Variants in LEO1 observed in about 807,000 individuals in gnomAD.
LEO1 encodes RNA polymerase-associated protein LEO1.
In LEO1, 34 loss-of-function variants were observed where a neutral mutation model predicts 80.4. The ratio of observed to expected loss-of-function variants is 0.42; its 90% CI spans 0.32 to 0.56. LEO1 has a LOEUF of 0.56. Ranked by LOEUF, LEO1 falls within the 20% of genes least tolerant of loss-of-function variation. The probability of loss-of-function intolerance (pLI) is 0.10; values close to 1 mark genes in which losing one functional copy is unlikely to be tolerated. For synonymous variants in LEO1, 262 were observed against 274.9 expected (o/e 0.95, Z 0.46); for missense variants, 631 against 814.2 (o/e 0.77, Z 2.74).
At chr15:51,944,995 T>G (rs2141746297) in intron 11 of LEO1, among the ~76,000 whole-genome samples, 1 of 152,116 alleles carries the variant, frequency 6.6e-6, no homozygotes, top group South Asian at 2.1e-4. Flanking sequence ...GGGAAACAGG[T>G]AAGGCCATTA....
In LEO1 at chr15:51,965,789, G is replaced by A. The variant is rs1362032312; in HGVS notation, c.774C>T (p.His258=). Residue 258 remains histidine (H), a synonymous_variant, in exon 2 of 12, where the codon CAC becomes CAT. Transcript: ENST00000299601. Reference sequence around the variant, plus strand: ...GTTCCTCTTCATCATCTGAATGCCTGTGTTCTTCATCTGAGGCCTGTGGCC... The same window carrying A: ...GTTCCTCTTCATCATCTGAATGCCTATGTTCTTCATCTGAGGCCTGTGGCC... The part of the protein sequence containing the change: ...DERPQASDEE[H]RHSDDEEEQD... 5.0e-6 allele frequency: 8 copies of A among 1,612,676 alleles called. No individual in the cohort carries two copies. The Admixed American group carries it at 1.2e-4, about 24-fold the overall frequency.
chr15:51,947,514 T>A (rs1566881097), intron 10 of LEO1, 125 bp from the exon 11 acceptor site: 2 of 645,316 alleles, frequency 3.1e-6, no homozygotes, highest in South Asian at 1.8e-5. Flanking sequence ...CTCCTGGGCT[T>A]AGGTGATCCT....
chr15:51,946,760 T>C (rs958888551), intron 11 of LEO1, among the ~76,000 whole-genome samples: 3 of 151,952 alleles, frequency 2.0e-5, no homozygotes, highest in African/African-American at 7.3e-5. Context: ...CAGTCTAGTC[T>C]CAAACTCCTG....
chr15:51,964,457 A>G (rs1433958535), intron 2 of LEO1, among the ~76,000 whole-genome samples: 1 of 151,548 alleles, frequency 6.6e-6, no homozygotes, highest in African/African-American at 2.4e-5. Context: ...GTAAATGACG[A>G]GTTGATGGGT....
chr15:51,947,704 C>T (rs894437409), intron 10 of LEO1, among the ~76,000 whole-genome samples: 2 of 152,116 alleles, frequency 1.3e-5, no homozygotes. Context: ...GGATTATAGG[C>T]GTGAGCCACT....
At chr15:51,944,146 C>G (rs1566879696) in intron 11 of LEO1, among the ~76,000 whole-genome samples, 1 of 152,068 alleles carries the variant, frequency 6.6e-6, no homozygotes, top group South Asian at 2.1e-4. Flanking sequence ...CAAAGAGAAC[C>G]ACGTGCAGAT....
At chr15:51,946,603 T>C (rs1460631541) in intron 11 of LEO1, among the ~76,000 whole-genome samples, 2 of 151,984 alleles carry the variant, frequency 1.3e-5, no homozygotes, top group Non-Finnish European at 2.9e-5. Flanking sequence ...TTGCCTAAGC[T>C]GGAGTGCAGT....
chr15:51,966,582 A>G, intron 1 of LEO1, 78 bp from the exon 2 acceptor site: 1 of 813,206 alleles, frequency 1.2e-6, no homozygotes, highest in Non-Finnish European at 2.0e-6. Flanking sequence ...ATCCCAACAT[A>G]AAAGCAATGA....
chr15:51,956,938 G>A (rs1029100793), intron 6 of LEO1, among the ~76,000 whole-genome samples: 32 of 152,204 alleles, frequency 2.1e-4, no homozygotes, highest in African/African-American at 5.5e-4. Flanking sequence ...CAATCCTCCC[G>A]CCTCAGCCTC....
At chr15:51,958,401 G>A (rs1177857771) in intron 6 of LEO1, among the ~76,000 whole-genome samples, 1 of 152,178 alleles carries the variant, frequency 6.6e-6, no homozygotes, top group Non-Finnish European at 1.5e-5. Context: ...GCTGCCAAGA[G>A]CTGGGTTTGT....
chr15:51,954,313 C>T (rs2056971514), intron 7 of LEO1, among the ~76,000 whole-genome samples, 168 bp downstream of exon 7: 1 of 151,860 alleles, frequency 6.6e-6, no homozygotes, highest in African/African-American at 2.4e-5. Flanking sequence ...GACTAGGAGT[C>T]TGAGGCTCCA....
intron 6 of LEO1, among the ~76,000 whole-genome samples, chr15:51,957,075 G>A (rs969050368): frequency 5.3e-5 from 8 of 151,854 alleles, no homozygotes; most frequent in Non-Finnish European, 7.4e-5. Context: ...TTCTCACCTC[G>A]GCCTCCCAAG....
At chr15:51,941,109 AAGCC>A (rs1200614373) in intron 11 of LEO1, among the ~76,000 whole-genome samples, 1 of 152,010 alleles carries the variant, frequency 6.6e-6, no homozygotes, top group Non-Finnish European at 1.5e-5. Flanking sequence ...ATAAATAAGC[AAGCC>A]AGCCAGCCAG....
chr15:51,967,654 T>C (rs901587081), intron 1 of LEO1, among the ~76,000 whole-genome samples: 1 of 152,160 alleles, frequency 6.6e-6, no homozygotes, highest in Non-Finnish European at 1.5e-5. Context: ...AGAGAAGCAG[T>C]TCATCCCATA....
At chr15:51,941,792 C>G (rs2056855092) in intron 11 of LEO1, among the ~76,000 whole-genome samples, 1 of 152,222 alleles carries the variant, frequency 6.6e-6, no homozygotes, top group Admixed American at 6.5e-5. Context: ...TGTTCAGCTA[C>G]TACATATTGT....
At chr15:51,956,836 T>G (rs971486495) in intron 6 of LEO1, among the ~76,000 whole-genome samples, 8 of 152,222 alleles carry the variant, frequency 5.3e-5, no homozygotes, top group East Asian at 3.9e-4. Flanking sequence ...AAATTTTTTT[T>G]TGGGGGGGAG....
intron 5 of LEO1, 52 bp from the exon 6 acceptor site, chr15:51,958,878 ACTG>A (rs1477577059): frequency 1.1e-6 from 1 of 923,778 alleles, no homozygotes; most frequent in African/African-American, 1.7e-5. Context: ...AAAGAATATT[ACTG>A]CTATGTAATA....
intron 1 of LEO1, among the ~76,000 whole-genome samples, chr15:51,969,105 C>T (rs1253904033): frequency 5.3e-5 from 8 of 151,880 alleles, no homozygotes; most frequent in African/African-American, 7.3e-5. Flanking sequence ...TATGGGCGCA[C>T]GCCACCACAC....
At chr15:51,954,933 A>AT (rs34049838) in intron 6 of LEO1, 7,225 of 140,560 alleles carry the variant, frequency 0.051, 349 homozygotes, top group East Asian at 0.13. Flanking sequence ...TGAGGCAGAA[A>AT]TTTTTTTTTT....
Sources: allele counts gnomAD v4.1 joint callset (sites outside exome capture counted in the v4.1 genomes callset), GRCh38; gene constraint gnomAD v4.1.1; transcripts MANE v1.5; gene names NCBI Gene and HGNC (gene_info 2026-07-23, HGNC 2026-07-21).